MYRF: variants seen among roughly 807,000 people sequenced by gnomAD.
The protein encoded by MYRF is myelin regulatory factor, also known as myelin gene regulatory factor.
Under a neutral mutation model 126.3 loss-of-function variants are expected in MYRF, and 16 were observed. The observed-to-expected ratio is 0.13, with a 90% confidence interval of 0.09 to 0.19. MYRF has a LOEUF of 0.19. MYRF is among the 10% of genes least tolerant of loss of function. The pLI is 1.00. For missense variants in MYRF, 1,104 were observed against 1,547.0 expected (o/e 0.71, Z 4.80); for synonymous variants, 608 against 635.3 (o/e 0.96, Z 0.65).
intron 8 of MYRF, among the ~76,000 whole-genome samples, chr11:61,775,638 G>T (rs1280500505): frequency 6.6e-6 from 1 of 152,088 alleles, no homozygotes; most frequent in African/African-American, 2.4e-5. Context: ...AGTGGGCCTA[G>T]GTGCAAGTGG....
intron 8 of MYRF, 63 bp from the exon 9 acceptor site, chr11:61,775,993 G>A: frequency 6.7e-7 from 1 of 1,503,504 alleles, no homozygotes; most frequent in Non-Finnish European, 9.3e-7. Flanking sequence ...CTGAGAGGGG[G>A]CAGGAGGGCA....
intron 26 of MYRF, 31 bp downstream of exon 26, chr11:61,785,905 G>T: frequency 6.2e-7 from 1 of 1,608,798 alleles, no homozygotes; most frequent in Non-Finnish European, 8.5e-7. Flanking sequence ...TACCCTGGAG[G>T]TCTGGGCACC....
At chr11:61,784,574 C>T (rs536572534) in intron 25 of MYRF, 189 bp downstream of exon 25, 131 of 589,832 alleles carry the variant, frequency 2.2e-4, no homozygotes, top group South Asian at 2.0e-3. Flanking sequence ...TTGTTCATTG[C>T]ACTCTGCTGA....
intron 17 of MYRF, 126 bp from the exon 18 acceptor site, chr11:61,780,096 G>A (rs2066498763): frequency 1.6e-6 from 2 of 1,290,088 alleles, no homozygotes; most frequent in South Asian, 2.5e-5. Context: ...TCCCCTCTGG[G>A]GTGACCCATT....
intron 1 of MYRF, among the ~76,000 whole-genome samples, chr11:61,761,906 G>A (rs757813067): frequency 4.6e-5 from 7 of 152,286 alleles, no homozygotes; most frequent in Non-Finnish European, 7.3e-5. Context: ...GCCACTGGGC[G>A]AGTGAGCTGT....
At position 61,765,967 on chromosome 11, in the gene MYRF, T is replaced by C. The variant is rs972583097; in HGVS notation, c.144T>C (p.Pro48=). 4.6e-6 allele frequency: 7 copies of C among 1,521,310 alleles called. No individual in the cohort carries two copies. The African/African-American group carries it at 9.6e-5, about 21-fold the overall frequency. The allele number at this position is 1,521,310 out of a possible 1,614,324, so 94.2% of individuals were successfully genotyped here. A position where few individuals can be genotyped will look rare whatever the true frequency, so the allele number is the denominator to read the frequency against. Residue 48 remains proline, a synonymous_variant, in exon 3 of 27, where the codon CCT becomes CCC. Transcript: ENST00000278836. ...SKEDASDLCF[P]DISAPASSAS... ...CCCCCCTTCCCCGCAGCTGCTTCCC[T>C]GACATCTCTGCTCCAGCCAGCTCGG...
chr11:61,774,136 T>A lies in MYRF; in HGVS notation c.1285T>A (p.Phe429Ile), dbSNP rs776575468. ...CGAGGGCCTCAAGCCCCTCGACTGC[T>A]TCTATCTGAAGCTGCACGGAGTGAA... ...TPEGLKPLDCFYLKLHGVKLE... is the reference protein window; with the variant it reads ...TPEGLKPLDCIYLKLHGVKLE... The change falls in exon 8 of 27, where the codon TTC becomes ATC. Residue 429 changes from phenylalanine (F) to isoleucine (I), a missense_variant. Coordinates refer to ENST00000278836, the MANE Select transcript of MYRF (RefSeq NM_001127392.3). 1 of 1,612,482 alleles carries A rather than the reference T, an allele frequency of 6.2e-7. No homozygotes were observed. Among genetic ancestry groups the A allele is most frequent in the Admixed American group, 1.7e-5 (1 of 59,938 alleles).
At chr11:61,759,871 C>T (rs1200269423) in intron 1 of MYRF, among the ~76,000 whole-genome samples, 1 of 152,162 alleles carries the variant, frequency 6.6e-6, no homozygotes, top group African/African-American at 2.4e-5. Flanking sequence ...TGCGGAGAGG[C>T]AAAGGGTTGC....
rs1274149271 is a variant in MYRF at position 61,777,957 on chromosome 11, G to T, written c.1903+112G>T. The T allele has an allele frequency of 5.9e-6, 5 of 842,702 alleles. No homozygotes were observed. The African/African-American group carries it at 8.6e-5, about 14-fold the overall frequency. The allele number at this position is 842,702 out of a possible 1,614,324, so 52.2% of individuals were successfully genotyped here. On this transcript the variant is annotated intron_variant, in intron 13 of 26. Coordinates refer to ENST00000278836, the MANE Select transcript of MYRF (RefSeq NM_001127392.3). The surrounding 1 kb of genome is among the most constrained non-coding windows in gnomAD (Gnocchi z 8.8). ...TACTCCTCTTGACTCCCGGAACTGCGCCCCTGGGAATCATGCCTTCTAGAA... is the reference window on the plus strand; with the variant it reads ...TACTCCTCTTGACTCCCGGAACTGCTCCCCTGGGAATCATGCCTTCTAGAA...
rs2066436780 is a variant in MYRF, at chr11:61,778,142, G to A, written c.1904-238G>A. Among the ~76,000 whole-genome samples the A allele has an allele frequency of 1.3e-5, 2 of 152,104 alleles. No homozygotes were observed. Among genetic ancestry groups the A allele is most frequent in the South Asian group, 4.1e-4 (2 of 4,830 alleles). Reference sequence around the variant, plus strand: ...CCAGAATACTACCCACTTGCCCTGGGATCCTTACCCCCAGGAATCCGCCCC... The same window carrying A: ...CCAGAATACTACCCACTTGCCCTGGAATCCTTACCCCCAGGAATCCGCCCC... On this transcript the variant is annotated intron_variant, in intron 13 of 26. Transcript: ENST00000278836. This position sits in a 1 kb window ranked among gnomAD's most constrained non-coding sequence, Gnocchi z 4.6.
Position 61,783,471 on chromosome 11 carries a change from C to G in MYRF, c.3017-27C>G. 1 of 1,579,206 alleles carries G rather than the reference C, an allele frequency of 6.3e-7. No homozygotes were observed. Among genetic ancestry groups the G allele is most frequent in the Non-Finnish European group, 8.7e-7 (1 of 1,149,938 alleles). ...TGCCAGCTTCTCATTTGTGTCCTGC[C>G]TTGTCACCTTACTCCTGCCCCAACA... is the stretch of plus-strand genomic sequence containing the variant. On this transcript the variant is annotated intron_variant, in intron 22 of 26. Coordinates refer to ENST00000278836, the MANE Select transcript of MYRF (RefSeq NM_001127392.3). This position sits in a 1 kb window ranked among gnomAD's most constrained non-coding sequence, Gnocchi z 4.6.
intron 8 of MYRF, among the ~76,000 whole-genome samples, chr11:61,775,302 T>G (rs1462924946): frequency 6.6e-6 from 1 of 152,094 alleles, no homozygotes; most frequent in Non-Finnish European, 1.5e-5. Flanking sequence ...CCGCTCCAGC[T>G]CTGCCACTTG....
intron 25 of MYRF, 104 bp from the exon 26 acceptor site, chr11:61,785,696 C>T: frequency 1.1e-6 from 1 of 899,834 alleles, no homozygotes; most frequent in Admixed American, 2.2e-5. Context: ...TTTTTTCCTT[C>T]ATAAAACTCC....
Position 61,783,697 on chromosome 11 carries a change from C to T in MYRF, c.3119+97C>T, listed in dbSNP as rs546429484. On this transcript the variant is annotated intron_variant, in intron 23 of 26. Transcript: ENST00000278836. The surrounding 1 kb of genome is among the most constrained non-coding windows in gnomAD (Gnocchi z 4.6). ...GGAACTTGCCCTTTCAGGGAGGAGC[C>T]TCCCCCATAAGGAAGGGTAGCCCCT... 2 of 1,385,846 alleles carry T rather than the reference C, an allele frequency of 1.4e-6. No individual in the cohort carries two copies. Among genetic ancestry groups the T allele is most frequent in the South Asian group, 2.5e-5 (2 of 81,468 alleles). 85.8% of individuals were successfully genotyped at this position (1,385,846 alleles called of 1,614,324 possible). A position where few individuals can be genotyped will look rare whatever the true frequency, so the allele number is the denominator to read the frequency against.
At chr11:61,758,675 AC>A (rs1177903042) in intron 1 of MYRF, among the ~76,000 whole-genome samples, 1 of 152,078 alleles carries the variant, frequency 6.6e-6, no homozygotes, top group African/African-American at 2.4e-5. Flanking sequence ...GCATGCTCGT[AC>A]CTCAGGGCTT....
At chr11:61,774,711 C>A (rs188669193) in intron 8 of MYRF, among the ~76,000 whole-genome samples, 2 of 151,508 alleles carry the variant, frequency 1.3e-5, no homozygotes, top group Admixed American at 1.3e-4. Flanking sequence ...GCCTCCCTGC[C>A]TCCCTTTCGC....
At chr11:61,773,785 T>C (rs1221778793) in intron 7 of MYRF, among the ~76,000 whole-genome samples, 182 bp from the exon 8 acceptor site, 1 of 152,200 alleles carries the variant, frequency 6.6e-6, no homozygotes, top group African/African-American at 2.4e-5. Flanking sequence ...TTTGCAGCCC[T>C]GTACTAGAAT....
chr11:61,771,833 C>A lies in MYRF; in HGVS notation c.996C>A (p.Leu332=). The change falls in exon 7 of 27, where the codon CTC becomes CTA. Residue 332 remains leucine, a synonymous_variant. Coordinates refer to ENST00000278836, the MANE Select transcript of MYRF (RefSeq NM_001127392.3). ...WHPPGAPSPG[L]LQDSDSLSGS... ...ATGGGCGTTCCCTCCCTCCAGGCCTCCTGCAGGACAGTGACAGCCTCAGTG... is the reference window on the plus strand; with the variant it reads ...ATGGGCGTTCCCTCCCTCCAGGCCTACTGCAGGACAGTGACAGCCTCAGTG... 3 of 1,614,160 alleles carry A rather than the reference C, an allele frequency of 1.9e-6. No individual in the cohort carries two copies. The highest frequency in any genetic ancestry group is 2.5e-6 in the Non-Finnish European group (3 of 1,180,016).
rs781245301 is a variant in MYRF, at chr11:61,776,041, C to T, written c.1312-15C>T. The T allele has an allele frequency of 6.2e-7, 1 of 1,613,718 alleles. No homozygotes were observed. Among genetic ancestry groups the T allele is most frequent in the African/African-American group, 1.3e-5 (1 of 74,988 alleles). ...TAGCCCCATCCTGAGGTGCCACTGG[C>T]TTCACTCCCCACAGCTGGAGGCCCT... On this transcript the variant is annotated splice_polypyrimidine_tract_variant and intron_variant, in intron 8 of 26. Coordinates refer to ENST00000278836, the MANE Select transcript of MYRF (RefSeq NM_001127392.3). The surrounding 1 kb of genome is among the most constrained non-coding windows in gnomAD (Gnocchi z 4.3).
Sources: gnomAD v4.1 joint callset for allele counts (sites outside exome capture counted in the v4.1 genomes callset) on GRCh38, gnomAD v4.1.1 for gene constraint, Gnocchi (gnomAD v3.1) non-coding constraint, MANE v1.5 for transcripts, NCBI Gene and HGNC (gene_info 2026-07-23, HGNC 2026-07-21) for gene names.